Variants in UGGT2 observed in about 807,000 individuals in gnomAD.
The protein encoded by UGGT2 is UDP-glucose:glycoprotein glucosyltransferase 2.
In UGGT2, 180 loss-of-function variants were observed where a neutral mutation model predicts 192.1. The observed-to-expected ratio is 0.94, with a 90% CI of 0.83 to 1.06. The LOEUF is 1.06. Among genes scored for constraint, UGGT2 ranks in the 50% least tolerant of loss-of-function variants. UGGT2 has a pLI of 0.00. For missense variants in UGGT2, 1,849 were observed against 1,795.7 expected (o/e 1.03, Z -0.54); for synonymous variants, 580 against 591.0 (o/e 0.98, Z 0.27).
At chr13:95,946,990 C>T in intron 15 of UGGT2, 47 bp downstream of exon 15, 1 of 1,474,694 alleles carries the variant, frequency 6.8e-7, no homozygotes, top group Non-Finnish European at 9.0e-7. Flanking sequence ...TATAGTAATG[C>T]AAGAATTTTA....
At chr13:95,812,348 C>T (rs116867333) in intron 38 of UGGT2, among the ~76,000 whole-genome samples, 1 of 152,134 alleles carries the variant, frequency 6.6e-6, no homozygotes, top group Non-Finnish European at 1.5e-5. Context: ...ATAAATTGGC[C>T]CACCCTTGTA....
intron 35 of UGGT2, 103 bp from the exon 36 acceptor site, chr13:95,853,760 C>T: frequency 1.5e-6 from 1 of 660,628 alleles, no homozygotes; most frequent in Non-Finnish European, 2.4e-6. Context: ...CTACAGATAT[C>T]CTAGGATCTA....
At chr13:95,865,182 T>G (rs1250015146) in intron 30 of UGGT2, among the ~76,000 whole-genome samples, 1 of 152,212 alleles carries the variant, frequency 6.6e-6, no homozygotes, top group East Asian at 1.9e-4. Flanking sequence ...TTTACAACAC[T>G]TTCCCTCCTC....
In UGGT2 at chr13:95,890,851, T is replaced by C. The variant is rs777335116; in HGVS notation, c.2958+11A>G. 1.9e-6 allele frequency: 3 copies of C among 1,592,420 alleles called. No homozygotes were observed. The highest frequency in any genetic ancestry group is 2.7e-5 in the African/African-American group (2 of 73,902). ...AAACAAAAACATTTAGTCTAATTTA[T>C]ATTATCTTACAACCAACAACTGTGC... is the stretch of plus-strand genomic sequence containing the variant. On this transcript the variant is annotated intron_variant, in intron 25 of 38. Coordinates refer to ENST00000376747, the MANE Select transcript of UGGT2 (RefSeq NM_020121.4).
chr13:95,986,445 A>C lies in UGGT2; in HGVS notation c.932-13T>G. 2 of 1,545,176 alleles carry C rather than the reference A, an allele frequency of 1.3e-6. No homozygotes were observed. Among genetic ancestry groups the C allele is most frequent in the Non-Finnish European group, 1.8e-6 (2 of 1,123,032 alleles). On this transcript the variant is annotated splice_polypyrimidine_tract_variant and intron_variant, in intron 8 of 38. Transcript: ENST00000376747. ...TGAAAACTAAGATCTGGAAGGAAAA[A>C]TATTATTAAGGAATCTAGCATAATA...
intron 27 of UGGT2, 132 bp from the exon 28 acceptor site, chr13:95,877,988 A>T: frequency 1.1e-6 from 1 of 872,798 alleles, no homozygotes; most frequent in South Asian, 2.1e-5. Context: ...TTTATTTTAC[A>T]CATGAGTGAA....
chr13:95,844,945 C>G (rs545659928), intron 36 of UGGT2, among the ~76,000 whole-genome samples: 1 of 152,216 alleles, frequency 6.6e-6, no homozygotes, highest in South Asian at 2.1e-4. Context: ...TGCCCTTTAT[C>G]AGGATGAGGA....
chr13:95,889,325 C>A (rs963421792), intron 25 of UGGT2, among the ~76,000 whole-genome samples: 3 of 152,140 alleles, frequency 2.0e-5, no homozygotes, highest in African/African-American at 7.2e-5. Context: ...TTGTCCTACT[C>A]GTTTCATAAA....
Position 95,867,428 on chromosome 13 carries a change from A to C in UGGT2, c.3474-5T>G. The C allele has an allele frequency of 1.3e-6, 2 of 1,599,934 alleles. No homozygotes were observed. The highest frequency in any genetic ancestry group is 1.7e-6 in the Non-Finnish European group (2 of 1,174,718). ...TGAGAGTCAGTTCCTTCATGCCTAA[A>C]AGTAGAAAAATGTGTCCATAATTAA... On this transcript the variant is annotated splice_polypyrimidine_tract_variant and splice_region_variant and intron_variant, in intron 29 of 38. Transcript: ENST00000376747.
intron 10 of UGGT2, among the ~76,000 whole-genome samples, chr13:95,981,610 GAGA>G (rs575958789): frequency 1.4e-3 from 209 of 152,184 alleles, no homozygotes; most frequent in East Asian, 6.4e-3. Flanking sequence ...ACTGCAGCAT[GAGA>G]AGAAGAAGAA....
At chr13:95,949,007 T>G (rs1566743376) in intron 13 of UGGT2, among the ~76,000 whole-genome samples, 1 of 152,224 alleles carries the variant, frequency 6.6e-6, no homozygotes, top group African/African-American at 2.4e-5. Context: ...TTCCTGCCAC[T>G]ATGTGAAGAA....
At chr13:96,025,141 TC>T (rs2052626635) in intron 2 of UGGT2, among the ~76,000 whole-genome samples, 1 of 152,222 alleles carries the variant, frequency 6.6e-6, no homozygotes, top group Non-Finnish European at 1.5e-5. Flanking sequence ...AGGTCATCTG[TC>T]AGCATCCATG....
intron 17 of UGGT2, 67 bp from the exon 18 acceptor site, chr13:95,927,403 G>T: frequency 1.5e-6 from 2 of 1,327,518 alleles, no homozygotes; most frequent in South Asian, 1.6e-5. Context: ...AAAGTATGCA[G>T]ATAACACAAA....
intron 27 of UGGT2, among the ~76,000 whole-genome samples, chr13:95,883,305 C>G (rs2047546115): frequency 6.6e-6 from 1 of 152,090 alleles, no homozygotes; most frequent in Non-Finnish European, 1.5e-5. Flanking sequence ...TCAGTCAAGG[C>G]AATGGCTATA....
chr13:95,826,014 A>G (rs1025746990), intron 38 of UGGT2, among the ~76,000 whole-genome samples: 1 of 151,806 alleles, frequency 6.6e-6, no homozygotes. Context: ...TCAATATTAG[A>G]AAAAATGATT....
In UGGT2 at chr13:96,053,401, T is replaced by G. The variant is rs1038621595; in HGVS notation, c.-89A>C. The G allele has an allele frequency of 3.3e-5, 49 of 1,497,728 alleles. No homozygotes were observed. The highest frequency in any genetic ancestry group is 4.5e-5 in the Admixed American group (2 of 44,780). 92.8% of individuals were successfully genotyped at this position (1,497,728 alleles called of 1,614,324 possible). ...CGGCCGGCTCTTCCCGCTGCGCGGC[T>G]GCCCACTTCCGGTGGGAGGAGCTCG... On this transcript the variant is annotated 5_prime_UTR_variant, in exon 1 of 39. Transcript: ENST00000376747.
rs1188563302 is a variant in UGGT2, at chr13:95,877,336, C to T, written c.3416G>A (p.Gly1139Asp). 1.9e-6 allele frequency: 3 copies of T among 1,606,178 alleles called. No homozygotes were observed. The African/African-American group carries it at 4.0e-5, about 22-fold the overall frequency. ...TTGGTGTAACCTCAGTATCCAAGCACCTGGGTTTGCTTTTAATTGAAAATA... is the reference window on the plus strand; with the variant it reads ...TTGGTGTAACCTCAGTATCCAAGCATCTGGGTTTGCTTTTAATTGAAAATA... Reference protein sequence around the residue: ...HGYFQLKANPGAWILRLHQGK... With the variant: ...HGYFQLKANPDAWILRLHQGK... The change falls in exon 29 of 39, where the codon GGT becomes GAT. Residue 1139 changes from glycine to aspartate, a missense_variant. Gly to Asp is a moderately conservative substitution (Grantham distance 94, BLOSUM62 -1). Coordinates refer to ENST00000376747, the MANE Select transcript of UGGT2 (RefSeq NM_020121.4).
intron 31 of UGGT2, 69 bp downstream of exon 31, chr13:95,863,560 T>C (rs1379760878): frequency 2.3e-6 from 3 of 1,277,618 alleles, no homozygotes; most frequent in Non-Finnish European, 3.4e-6. Flanking sequence ...TTTCACTACC[T>C]GTGGAACTTC....
At chr13:95,914,479 T>A (rs909998414) in intron 20 of UGGT2, among the ~76,000 whole-genome samples, 2 of 151,646 alleles carry the variant, frequency 1.3e-5, no homozygotes, top group East Asian at 1.9e-4. Context: ...ATTAATAGAA[T>A]TAAAACTCTA....
Sources: gnomAD v4.1 joint callset for allele counts (sites outside exome capture counted in the v4.1 genomes callset) on GRCh38, gnomAD v4.1.1 for gene constraint, MANE v1.5 for transcripts, NCBI Gene and HGNC (gene_info 2026-07-23, HGNC 2026-07-21) for gene names.